The following NCOA1 variants were observed in gnomAD, a reference collection of about 807,000 sequenced individuals.
The protein encoded by NCOA1 is nuclear receptor coactivator 1.
In NCOA1, 35 loss-of-function variants were observed where a neutral mutation model predicts 150.9. The ratio of observed to expected loss-of-function variants is 0.23; its 90% CI spans 0.18 to 0.31. The LOEUF (loss-of-function observed/expected upper bound fraction) is 0.31. NCOA1 is among the 10% of genes least tolerant of loss of function. The pLI, the probability that NCOA1 is intolerant of heterozygous loss-of-function variation, is 1.00. For synonymous variants in NCOA1, 590 were observed against 630.0 expected (o/e 0.94, Z 0.95); for missense variants, 1,491 against 1,749.3 (o/e 0.85, Z 2.63).
chr2:24,636,813 A>G (rs1042536936), intron 3 of NCOA1, among the ~76,000 whole-genome samples: 11 of 152,172 alleles, frequency 7.2e-5, no homozygotes, highest in African/African-American at 2.6e-4. Context: ...TGAGAGTTTT[A>G]TCATGAATGG....
chr2:24,637,067 T>A (rs1669968893), intron 3 of NCOA1, among the ~76,000 whole-genome samples: 1 of 151,778 alleles, frequency 6.6e-6, no homozygotes, highest in African/African-American at 2.4e-5. Flanking sequence ...TTTTTGAGAT[T>A]TTTTAAAATC....
intron 22 of NCOA1, among the ~76,000 whole-genome samples, chr2:24,763,581 C>T (rs538465672): frequency 2.1e-5 from 3 of 142,220 alleles, no homozygotes; most frequent in Admixed American, 7.0e-5. Context: ...GCTTAATTCA[C>T]TTTCGTAACT....
intron 11 of NCOA1, among the ~76,000 whole-genome samples, chr2:24,698,772 T>C (rs1364400311): frequency 6.6e-6 from 1 of 152,192 alleles, no homozygotes; most frequent in East Asian, 1.9e-4. Context: ...AATTTTAACA[T>C]TTTTCCCATA....
At chr2:24,756,071 T>A (rs1367117088) in intron 20 of NCOA1, among the ~76,000 whole-genome samples, 99 of 108,140 alleles carry the variant, frequency 9.2e-4, no homozygotes, top group African/African-American at 1.4e-3. Flanking sequence ...CCATCTCTAC[T>A]AAAAAAAAAA....
intron 3 of NCOA1, among the ~76,000 whole-genome samples, chr2:24,614,080 G>T (rs137928056): frequency 1.3e-5 from 2 of 151,874 alleles, no homozygotes; most frequent in African/African-American, 2.4e-5. Context: ...ACTTTCAGAG[G>T]CCTAAACTTT....
intron 17 of NCOA1, among the ~76,000 whole-genome samples, chr2:24,732,347 A>G (rs1663058119): frequency 6.6e-6 from 1 of 152,230 alleles, no homozygotes; most frequent in African/African-American, 2.4e-5. Flanking sequence ...GGGGCTCACC[A>G]TGTTATAAGC....
At chr2:24,505,866 G>A (rs957198527) in intron 1 of NCOA1, among the ~76,000 whole-genome samples, 12 of 152,106 alleles carry the variant, frequency 7.9e-5, no homozygotes, top group African/African-American at 2.9e-4. Flanking sequence ...TTGCTAAGCC[G>A]AGTTAACGTA....
intron 12 of NCOA1, among the ~76,000 whole-genome samples, chr2:24,706,016 T>A (rs1673407128): frequency 6.6e-6 from 1 of 152,180 alleles, no homozygotes; most frequent in Admixed American, 6.5e-5. Flanking sequence ...CATATTGTGA[T>A]TTCTCTTTCA....
intron 1 of NCOA1, among the ~76,000 whole-genome samples, chr2:24,505,367 C>A (rs930154186): frequency 6.6e-6 from 1 of 151,938 alleles, no homozygotes; most frequent in African/African-American, 2.4e-5. Context: ...TTAGTAGAGA[C>A]GGGGTTTCTC....
intron 1 of NCOA1, among the ~76,000 whole-genome samples, chr2:24,511,471 C>A (rs1192221280): frequency 1.3e-5 from 2 of 152,126 alleles, no homozygotes; most frequent in Non-Finnish European, 2.9e-5. Flanking sequence ...TTTGCATTTC[C>A]CTAATGACTA....
intron 1 of NCOA1, among the ~76,000 whole-genome samples, chr2:24,557,803 A>G (rs185005075): frequency 6.6e-6 from 1 of 151,972 alleles, no homozygotes; most frequent in Non-Finnish European, 1.5e-5. Flanking sequence ...TGGCTTGCAT[A>G]CTTTCCTGAT....
intron 19 of NCOA1, among the ~76,000 whole-genome samples, chr2:24,747,022 T>G (rs775809325): frequency 2.0e-5 from 3 of 152,182 alleles, no homozygotes; most frequent in Non-Finnish European, 4.4e-5. Context: ...TAGTTTTGCT[T>G]TGAACCTAAA....
chr2:24,541,585 G>A (rs2148195150), intron 1 of NCOA1, among the ~76,000 whole-genome samples: 1 of 152,346 alleles, frequency 6.6e-6, no homozygotes, highest in Non-Finnish European at 1.5e-5. Flanking sequence ...GGCTAGGAGA[G>A]GTTGTGGCCC....
intron 2 of NCOA1, among the ~76,000 whole-genome samples, chr2:24,584,118 A>G (rs1222159878): frequency 6.6e-6 from 1 of 152,140 alleles, no homozygotes; most frequent in Non-Finnish European, 1.5e-5. Context: ...TGATTATTAA[A>G]CATTCTATAT....
At chr2:24,512,110 G>T (rs1295786956) in intron 1 of NCOA1, among the ~76,000 whole-genome samples, 1 of 152,176 alleles carries the variant, frequency 6.6e-6, no homozygotes, top group Non-Finnish European at 1.5e-5. Flanking sequence ...AAGTTAGGAG[G>T]ATGTTTATTG....
At chr2:24,679,938 T>C (rs1057165405) in intron 7 of NCOA1, among the ~76,000 whole-genome samples, 6 of 152,234 alleles carry the variant, frequency 3.9e-5, no homozygotes, top group Admixed American at 3.3e-4. Flanking sequence ...TGGGTTGTGC[T>C]TCAATCTTGT....
At chr2:24,689,993 C>T (rs1672588484) in intron 8 of NCOA1, among the ~76,000 whole-genome samples, 1 of 152,140 alleles carries the variant, frequency 6.6e-6, no homozygotes, top group African/African-American at 2.4e-5. Flanking sequence ...AGAATAGAAA[C>T]TTCATTTCCT....
At position 24,729,831 on chromosome 2, in the gene NCOA1, T is replaced by C; in HGVS notation, c.3201+16T>C. 6.3e-7 allele frequency: 1 copy of C among 1,592,166 alleles called. No individual in the cohort carries two copies. Among genetic ancestry groups the C allele is most frequent in the Non-Finnish European group, 8.5e-7 (1 of 1,171,448 alleles). On this transcript the variant is annotated intron_variant, in intron 17 of 22. Transcript: ENST00000348332. The stretch of plus-strand genomic sequence containing the variant: ...ACAACAGCAGGTAAGTGCTCTTGTT[T>C]AGCAGTTGATACTTTTTTTTTTTTT...
chr2:24,707,323 G>C lies in NCOA1; in HGVS notation c.1853G>C (p.Arg618Thr). 6.2e-7 allele frequency: 1 copy of C among 1,614,186 alleles called. No homozygotes were observed. Residue 618 changes from arginine (R) to threonine (T), a missense_variant, in exon 13 of 23, where the codon AGA becomes ACA. Arg to Thr is a moderately conservative substitution (Grantham distance 71). Coordinates refer to ENST00000348332, the MANE Select transcript of NCOA1 (RefSeq NM_003743.5). ...LDSGLLHNND[R>T]LSDGDSKYSQ... is the part of the protein sequence containing the mutation. ...TCAGGGCTTCTGCATAACAATGACA[G>C]ACTTTCAGATGGAGACAGTAAATAC... is the stretch of plus-strand genomic sequence containing the variant.
Sources: allele counts gnomAD v4.1 joint callset (sites outside exome capture counted in the v4.1 genomes callset), GRCh38; gene constraint gnomAD v4.1.1; transcripts MANE v1.5; gene names NCBI Gene and HGNC (gene_info 2026-07-23, HGNC 2026-07-21).